ROCK2: variants seen among roughly 807,000 people sequenced by gnomAD.
ROCK2 encodes the protein rho-associated protein kinase 2.
A neutral mutation model predicts 195.1 loss-of-function variants in ROCK2; 61 were observed. The ratio of observed to expected loss-of-function variants is 0.31; its 90% CI spans 0.25 to 0.39. ROCK2 has a LOEUF of 0.39. ROCK2 is among the 10% of genes least tolerant of loss of function. The probability of loss-of-function intolerance (pLI) is 1.00; values close to 1 mark genes in which losing one functional copy is unlikely to be tolerated. For synonymous variants in ROCK2, 504 were observed against 545.5 expected (o/e 0.92, Z 1.06); for missense variants, 1,109 against 1,637.4 (o/e 0.68, Z 5.57).
intron 17 of ROCK2, among the ~76,000 whole-genome samples, chr2:11,212,208 T>C (rs936619489): frequency 2.6e-5 from 4 of 152,090 alleles, no homozygotes; most frequent in Non-Finnish European, 5.9e-5. Flanking sequence ...TGGGCCATGG[T>C]GCTCAACCTT....
chr2:11,194,365 G>GAAATCAGT lies in ROCK2; in HGVS notation c.3520-29_3520-22dup, dbSNP rs752545390. On this transcript the variant is annotated intron_variant, in intron 28 of 32. Transcript: ENST00000315872. ...ACATACTGTTAAAACAGGGAGAAAA[G>GAAATCAGT]AAATCAGTAATTCAAGTTTTTATAT... The GAAATCAGT allele has an allele frequency of 9.3e-6, 10 of 1,076,814 alleles. No homozygotes were observed. The Admixed American group carries it at 2.6e-4, about 28-fold the overall frequency. The allele number at this position is 1,076,814 out of a possible 1,614,324, so 66.7% of individuals were successfully genotyped here.
chr2:11,218,349 G>T (rs979563615), intron 11 of ROCK2, 106 bp downstream of exon 11: 1 of 701,816 alleles, frequency 1.4e-6, no homozygotes, highest in Non-Finnish European at 2.3e-6. Context: ...TCTCTCTTGG[G>T]TAGATGTAGT....
intron 23 of ROCK2, among the ~76,000 whole-genome samples, 169 bp from the exon 24 acceptor site, chr2:11,198,943 C>T (rs1663745657): frequency 7.0e-6 from 1 of 142,738 alleles, no homozygotes; most frequent in Non-Finnish European, 1.5e-5. Context: ...CTTGCTCTGT[C>T]AACCAGGAGT....
chr2:11,285,261 T>TA (rs35144359), intron 3 of ROCK2, among the ~76,000 whole-genome samples: 5,310 of 117,206 alleles, frequency 0.045, 325 homozygotes, highest in African/African-American at 0.14. Flanking sequence ...AAACTCTGTC[T>TA]AAAAAAAAAA....
At chr2:11,275,876 T>A (rs1666808922) in intron 3 of ROCK2, among the ~76,000 whole-genome samples, 1 of 151,974 alleles carries the variant, frequency 6.6e-6, no homozygotes, top group Non-Finnish European at 1.5e-5. Flanking sequence ...ATTTTTGTAT[T>A]TTTAGAAGAG....
chr2:11,302,107 G>C (rs1667725827), intron 1 of ROCK2, among the ~76,000 whole-genome samples: 1 of 152,092 alleles, frequency 6.6e-6, no homozygotes, highest in South Asian at 2.1e-4. Flanking sequence ...CGCCCGGCCA[G>C]CAACTATGGT....
chr2:11,251,436 C>T (rs1467250975), intron 3 of ROCK2, among the ~76,000 whole-genome samples: 1 of 152,194 alleles, frequency 6.6e-6, no homozygotes, highest in African/African-American at 2.4e-5. Context: ...ATTATTTCCC[C>T]ATACTACAAA....
chr2:11,319,433 C>T (rs10929730), intron 1 of ROCK2, among the ~76,000 whole-genome samples: 129,919 of 152,160 alleles, frequency 0.85, 55,938 homozygotes, highest in East Asian at 0.99. Context: ...ATGCTTGTGA[C>T]TTCTGCACAT....
intron 1 of ROCK2, among the ~76,000 whole-genome samples, chr2:11,343,459 A>T (rs1285665209): frequency 1.3e-5 from 2 of 152,224 alleles, no homozygotes; most frequent in Non-Finnish European, 2.9e-5. Context: ...AATGCACTAA[A>T]TAGCAAGTAT....
In ROCK2 at chr2:11,200,853, T is replaced by G. The variant is rs2148043489; in HGVS notation, c.2910+104A>C. Reference sequence around the variant, plus strand: ...TAGATTAAAAATCTTGTAGTCAGCATATATAATTTTTCATTTAGATCTGTG... The same window carrying G: ...TAGATTAAAAATCTTGTAGTCAGCAGATATAATTTTTCATTTAGATCTGTG... On this transcript the variant is annotated intron_variant, in intron 23 of 32. Coordinates refer to ENST00000315872, the MANE Select transcript of ROCK2 (RefSeq NM_004850.5). The G allele has an allele frequency of 2.1e-6, 2 of 956,066 alleles. 1 individual carries two copies. The highest frequency in any genetic ancestry group is 5.2e-5 in the East Asian group (2 of 38,310). The allele number at this position is 956,066 out of a possible 1,614,324, so 59.2% of individuals were successfully genotyped here.
chr2:11,317,627 T>TTTTA (rs1192587957), intron 1 of ROCK2, among the ~76,000 whole-genome samples: 662 of 31,258 alleles, frequency 0.021, 106 homozygotes, highest in Middle Eastern at 0.056. Flanking sequence ...TTTTTTTTTT[T>TTTTA]AATTATACTT....
At chr2:11,248,375 A>G (rs926523718) in intron 4 of ROCK2, among the ~76,000 whole-genome samples, 52 of 152,210 alleles carry the variant, frequency 3.4e-4, no homozygotes, top group African/African-American at 1.3e-3. Context: ...TATAAAAAAA[A>G]TGTTTACAGA....
chr2:11,261,678 G>C (rs12996712), intron 3 of ROCK2, among the ~76,000 whole-genome samples: 3 of 151,766 alleles, frequency 2.0e-5, no homozygotes, highest in African/African-American at 7.3e-5. Context: ...TTAGGCGGGC[G>C]TGGTGGCAGG....
At chr2:11,307,219 C>T (rs1194900858) in intron 1 of ROCK2, among the ~76,000 whole-genome samples, 2 of 152,102 alleles carry the variant, frequency 1.3e-5, no homozygotes, top group Non-Finnish European at 2.9e-5. Flanking sequence ...CAGTAGCATC[C>T]CATTTTATAA....
Position 11,193,899 on chromosome 2 carries a change from G to T in ROCK2, c.3609-42C>A, listed in dbSNP as rs777534424. On this transcript the variant is annotated intron_variant, in intron 29 of 32. Coordinates refer to ENST00000315872, the MANE Select transcript of ROCK2 (RefSeq NM_004850.5). Reference sequence around the variant, plus strand: ...ATAAAGGAATAAAATATCACCCAAGGATCAAATTATATATTAATTATTCTA... The same window carrying T: ...ATAAAGGAATAAAATATCACCCAAGTATCAAATTATATATTAATTATTCTA... The T allele has an allele frequency of 7.3e-6, 8 of 1,100,728 alleles. No individual in the cohort carries two copies. In the Admixed American group the frequency reaches 1.3e-4, roughly 18 times the overall value. The allele number at this position is 1,100,728 out of a possible 1,614,324, so 68.2% of individuals were successfully genotyped here.
chr2:11,291,034 G>A (rs1300918983), intron 1 of ROCK2, among the ~76,000 whole-genome samples: 1 of 152,146 alleles, frequency 6.6e-6, no homozygotes, highest in Admixed American at 6.5e-5. Context: ...TGAGAGAAAG[G>A]CAGGGAGAAA....
At chr2:11,329,583 A>G (rs56268206) in intron 1 of ROCK2, among the ~76,000 whole-genome samples, 6,423 of 151,832 alleles carry the variant, frequency 0.042, 270 homozygotes, top group Non-Finnish European at 0.06. Flanking sequence ...TATTAGTTCT[A>G]AATTTAGTTT....
intron 1 of ROCK2, among the ~76,000 whole-genome samples, chr2:11,327,513 TGG>T (rs1047344577): frequency 1.3e-5 from 2 of 152,186 alleles, no homozygotes; most frequent in African/African-American, 4.8e-5. Flanking sequence ...CAAAGCCTTA[TGG>T]GGAAAGATTG....
At chr2:11,221,704 G>A (rs1397959915) in intron 8 of ROCK2, among the ~76,000 whole-genome samples, 1 of 152,086 alleles carries the variant, frequency 6.6e-6, no homozygotes, top group Non-Finnish European at 1.5e-5. Context: ...GTAAAAATAA[G>A]TTACTATGCT....
Sources: allele counts gnomAD v4.1 joint callset (sites outside exome capture counted in the v4.1 genomes callset), GRCh38; gene constraint gnomAD v4.1.1; transcripts MANE v1.5; gene names NCBI Gene and HGNC (gene_info 2026-07-23, HGNC 2026-07-21).